The following MYO5B variants were observed in gnomAD, a reference collection of about 807,000 sequenced individuals.
MYO5B encodes myosin VB.
In MYO5B, 143 loss-of-function variants were observed where a neutral mutation model predicts 229.3. The observed-to-expected ratio is 0.62, with a 90% CI of 0.54 to 0.72. MYO5B has a LOEUF of 0.72. Among genes scored for constraint, MYO5B ranks in the 30% least tolerant of loss-of-function variants. The probability of loss-of-function intolerance (pLI) is 0.00; values close to 1 mark genes in which losing one functional copy is unlikely to be tolerated. For synonymous variants in MYO5B, 918 were observed against 885.2 expected (o/e 1.04, Z -0.66); for missense variants, 2,321 against 2,331.0 (o/e 1.00, Z 0.09).
At chr18:50,022,267 T>C (rs952394156) in intron 4 of MYO5B, among the ~76,000 whole-genome samples, 5 of 152,212 alleles carry the variant, frequency 3.3e-5, no homozygotes, top group African/African-American at 9.6e-5. Flanking sequence ...GGAAGATGTA[T>C]AACTCCGCTG....
At chr18:49,895,627 G>A (rs934369495) in intron 21 of MYO5B, among the ~76,000 whole-genome samples, 57 of 152,172 alleles carry the variant, frequency 3.7e-4, no homozygotes, top group African/African-American at 1.3e-3. Context: ...CGCTGGCTTT[G>A]AGACAAAGGA....
At chr18:50,028,963 G>C (rs946440972) in intron 4 of MYO5B, among the ~76,000 whole-genome samples, 36 of 152,298 alleles carry the variant, frequency 2.4e-4, no homozygotes, top group Admixed American at 2.3e-3. Flanking sequence ...GGCAGGCAAA[G>C]GAAACTGCCT....
At position 49,849,825 on chromosome 18, in the gene MYO5B, C is replaced by T. The variant is rs373285222; in HGVS notation, c.4222-165G>A. 41 of 693,738 alleles carry T rather than the reference C, an allele frequency of 5.9e-5. No individual in the cohort carries two copies. In the South Asian group the frequency reaches 6.0e-4, roughly 10 times the overall value. 43.0% of individuals were successfully genotyped at this position (693,738 alleles called of 1,614,324 possible). A position where few individuals can be genotyped will look rare whatever the true frequency, so the allele number is the denominator to read the frequency against. On this transcript the variant is annotated intron_variant, in intron 31 of 39. Coordinates refer to ENST00000285039, the MANE Select transcript of MYO5B (RefSeq NM_001080467.3). ...GAGAGCTGCTCTTCACAGGCTGTTGCCACCTGCTCTGGAACTCAGGAAGTG... is the reference window on the plus strand; with the variant it reads ...GAGAGCTGCTCTTCACAGGCTGTTGTCACCTGCTCTGGAACTCAGGAAGTG...
At chr18:49,927,496 CTG>C (rs2025142411) in intron 17 of MYO5B, among the ~76,000 whole-genome samples, 1 of 152,136 alleles carries the variant, frequency 6.6e-6, no homozygotes, top group Non-Finnish European at 1.5e-5. Flanking sequence ...CAACTTCAAA[CTG>C]TACTGTAAGG....
intron 21 of MYO5B, among the ~76,000 whole-genome samples, chr18:49,899,273 C>G (rs1280946957): frequency 6.6e-6 from 1 of 152,180 alleles, no homozygotes; most frequent in East Asian, 1.9e-4. Flanking sequence ...AATTCACTTG[C>G]AAACAGCTGG....
At chr18:50,045,568 A>G (rs960692276) in intron 2 of MYO5B, among the ~76,000 whole-genome samples, 1 of 152,066 alleles carries the variant, frequency 6.6e-6, no homozygotes, top group Admixed American at 6.6e-5. Flanking sequence ...TAATTTTTGT[A>G]TTTTTGGTAG....
Position 49,826,544 on chromosome 18 carries a change from T to C in MYO5B, c.5474A>G (p.Asn1825Ser), listed in dbSNP as rs770089178. ...KHMFPVLFPF[N>S]PSSLTMDSIH... ...TGAGTCCATGGTTAGAGAAGATGGA[T>C]TAAATGGAAACAAAACAGGAAACAT... Residue 1825 changes from asparagine to serine, a missense_variant, in exon 40 of 40, where the codon AAT becomes AGT. Asn to Ser is a conservative substitution (Grantham distance 46). Transcript: ENST00000285039. 6.2e-7 allele frequency: 1 copy of C among 1,614,046 alleles called. No homozygotes were observed. Among genetic ancestry groups the C allele is most frequent in the South Asian group, 1.1e-5 (1 of 91,076 alleles).
intron 3 of MYO5B, among the ~76,000 whole-genome samples, chr18:50,038,440 A>T (rs1237595555): frequency 6.6e-6 from 1 of 152,242 alleles, no homozygotes; most frequent in Non-Finnish European, 1.5e-5. Flanking sequence ...GTTTGCCTGA[A>T]AAGACCAAAA....
At chr18:49,869,880 A>T (rs2024438225) in intron 27 of MYO5B, among the ~76,000 whole-genome samples, 1 of 152,102 alleles carries the variant, frequency 6.6e-6, no homozygotes, top group Non-Finnish European at 1.5e-5. Context: ...CATCAGTCCC[A>T]CATCTACTGC....
intron 8 of MYO5B, among the ~76,000 whole-genome samples, chr18:49,981,029 C>T (rs932413780): frequency 2.6e-5 from 4 of 152,372 alleles, no homozygotes; most frequent in African/African-American, 9.6e-5. Context: ...CTTGGGATTG[C>T]TGTTCTGGGG....
chr18:50,087,581 A>T (rs1362504827), intron 1 of MYO5B, among the ~76,000 whole-genome samples: 2 of 151,816 alleles, frequency 1.3e-5, no homozygotes, highest in Non-Finnish European at 2.9e-5. Context: ...TCAAAAAAAA[A>T]AAAAAAAAGA....
intron 9 of MYO5B, among the ~76,000 whole-genome samples, chr18:49,976,022 C>G (rs1401480867): frequency 6.6e-6 from 1 of 152,242 alleles, no homozygotes; most frequent in African/African-American, 2.4e-5. Flanking sequence ...CTGAGAAAAC[C>G]TGCTCATCGT....
chr18:50,103,826 A>G lies in MYO5B; in HGVS notation c.28-48448T>C, dbSNP rs2031700523. Reference sequence around the variant, plus strand: ...ACCACCAATCACTCTTTGAAACTTCATGGACTCTAAATAATAATTTGCCGT... The same window carrying G: ...ACCACCAATCACTCTTTGAAACTTCGTGGACTCTAAATAATAATTTGCCGT... On this transcript the variant is annotated intron_variant, in intron 1 of 39. Coordinates refer to ENST00000285039, the MANE Select transcript of MYO5B (RefSeq NM_001080467.3). Among the ~76,000 whole-genome samples the G allele has an allele frequency of 2.0e-5, 3 of 152,248 alleles. 1 individual carries two copies. Among genetic ancestry groups the G allele is most frequent in the East Asian group, 3.9e-4 (2 of 5,182 alleles).
At chr18:49,990,954 G>A (rs1281965704) in intron 6 of MYO5B, among the ~76,000 whole-genome samples, 1 of 152,088 alleles carries the variant, frequency 6.6e-6, no homozygotes, top group African/African-American at 2.4e-5. Context: ...GGTCAGGCTG[G>A]GCAGACAGGA....
chr18:49,842,800 C>T (rs2024075319), intron 34 of MYO5B, among the ~76,000 whole-genome samples: 1 of 152,238 alleles, frequency 6.6e-6, no homozygotes, highest in Non-Finnish European at 1.5e-5. Context: ...TCACAGCCCT[C>T]CCTGTGTTAC....
chr18:50,164,516 A>C (rs539086097), intron 1 of MYO5B, among the ~76,000 whole-genome samples: 2 of 152,324 alleles, frequency 1.3e-5, no homozygotes, highest in Middle Eastern at 3.4e-3. Flanking sequence ...ATTCACATAC[A>C]TTATTTGGAA....
chr18:49,979,150 A>C (rs2025786581), intron 9 of MYO5B, among the ~76,000 whole-genome samples: 1 of 152,154 alleles, frequency 6.6e-6, no homozygotes, highest in South Asian at 2.1e-4. Context: ...TGAACATGAC[A>C]GTCCTTCTCA....
intron 17 of MYO5B, among the ~76,000 whole-genome samples, chr18:49,918,161 G>A (rs186683830): frequency 3.9e-5 from 6 of 152,298 alleles, no homozygotes; most frequent in Admixed American, 6.5e-5. Flanking sequence ...GCCTAACACC[G>A]GGTTTAACCA....
intron 13 of MYO5B, among the ~76,000 whole-genome samples, chr18:49,953,894 ATGTGTGTGTGTGTGTGTG>A (rs71169463): frequency 2.8e-5 from 3 of 108,470 alleles, no homozygotes; most frequent in African/African-American, 6.0e-5. Context: ...ATATACATAT[ATGTGTGTGTGTGTGTGTG>A]TGTGTGTGTG....
Sources: gnomAD v4.1 joint callset for allele counts (sites outside exome capture counted in the v4.1 genomes callset) on GRCh38, gnomAD v4.1.1 for gene constraint, MANE v1.5 for transcripts, NCBI Gene and HGNC (gene_info 2026-07-23, HGNC 2026-07-21) for gene names.